The following FKBP1B variants were observed in gnomAD, a reference collection of about 807,000 sequenced individuals.
FKBP1B encodes the protein peptidyl-prolyl cis-trans isomerase FKBP1B.
In FKBP1B, 4 loss-of-function variants were observed where a neutral mutation model predicts 13.5. The observed-to-expected ratio is 0.30, with a 90% CI of 0.15 to 0.68. The LOEUF is 0.68. Among genes scored for constraint, FKBP1B ranks in the 30% least tolerant of loss-of-function variants. The probability of loss-of-function intolerance (pLI) is 0.76; values close to 1 mark genes in which losing one functional copy is unlikely to be tolerated. For missense variants in FKBP1B, 93 were observed against 136.2 expected, an observed-to-expected ratio of 0.68 and a Z score of 1.58; for synonymous variants, 54 against 53.6, an observed-to-expected ratio of 1.01 and a Z score of -0.03.
At chr2:24,037,965 G>A in the FKBP1B span, 1 of 1,614,078 alleles carries the variant, frequency 6.2e-7, no homozygotes, top group African/African-American at 1.3e-5. Flanking sequence ...CTAGAGCTAT[G>A]GAGCCATCAC....
intron 3 of FKBP1B, among the ~76,000 whole-genome samples, chr2:24,062,021 CACCACGGCCGG>C (rs200954443): frequency 0.098 from 14,937 of 152,048 alleles, 905 homozygotes; most frequent in Non-Finnish European, 0.12. Context: ...AGGCGCCCGC[CACCACGGCCGG>C]CTAATTTTTT....
At chr2:24,047,426 T>A (rs1202624255), upstream of FKBP1B, 1 of 152,184 alleles carries the variant, frequency 6.6e-6, no homozygotes, top group East Asian at 1.9e-4. Flanking sequence ...CTCAGTCCTC[T>A]GATAGGTGGG....
the FKBP1B span, among the ~76,000 whole-genome samples, chr2:24,044,282 G>T: frequency 2.0e-5 from 3 of 151,616 alleles, no homozygotes; most frequent in Non-Finnish European, 2.9e-5. Context: ...TTTTGGGGGG[G>T]GCGTGGGGGC....
chr2:24,062,410 C>T (rs184427737), intron 3 of FKBP1B, among the ~76,000 whole-genome samples: 63 of 152,224 alleles, frequency 4.1e-4, no homozygotes, highest in Non-Finnish European at 1.3e-4. Flanking sequence ...AACTCCTGAC[C>T]TCAGGTGATC....
intron 2 of FKBP1B, chr2:24,054,633 T>TGA (rs2150963961): frequency 6.0e-6 from 1 of 167,348 alleles, no homozygotes; most frequent in African/African-American, 2.4e-5. Flanking sequence ...TCCTAGGACA[T>TGA]ACTCGGATGG....
chr2:24,054,433 A>G (rs1664029256), intron 2 of FKBP1B: 1 of 207,062 alleles, frequency 4.8e-6, no homozygotes, highest in Non-Finnish European at 1.1e-5. Flanking sequence ...GAGGGAGCCC[A>G]GAGCGGGACT....
chr2:24,042,288 A>G, the FKBP1B span, among the ~76,000 whole-genome samples: 1 of 152,262 alleles, frequency 6.6e-6, no homozygotes, highest in South Asian at 2.1e-4. Context: ...CTGTAATCCC[A>G]GCACTTTGGG....
In FKBP1B at chr2:24,050,371, G is replaced by A. The variant is rs1663811412; in HGVS notation, c.37+485G>A. On this transcript the variant is annotated intron_variant, in intron 1 of 3. Transcript: ENST00000380986. This position sits in a 1 kb window ranked among gnomAD's most constrained non-coding sequence, Gnocchi z 5.8. ...GCGGGCCGGGCTGTGAGCGGCTGTG[G>A]GGACAGACCCAGGCTGGGGAAGGGG... Among the ~76,000 whole-genome samples, 2 of 152,186 alleles carry A rather than the reference G, an allele frequency of 1.3e-5. No individual in the cohort carries two copies. The highest frequency in any genetic ancestry group is 4.1e-4 in the South Asian group (2 of 4,834).
intron 3 of FKBP1B, 57 bp downstream of exon 3, chr2:24,060,983 A>T (rs13016301): frequency 0.13 from 175,281 of 1,307,856 alleles, 13,000 homozygotes; most frequent in South Asian, 0.17. Context: ...TGGGATCAGC[A>T]CTCTGCCCTC....
chr2:24,061,132 G>T (rs1664373998), intron 3 of FKBP1B, among the ~76,000 whole-genome samples: 1 of 152,082 alleles, frequency 6.6e-6, no homozygotes, highest in Non-Finnish European at 1.5e-5. Flanking sequence ...TGTCCCTGGG[G>T]GCTCTCATCC....
chr2:24,060,894 G>A lies in FKBP1B; in HGVS notation c.166G>A (p.Val56Ile). 6.2e-7 allele frequency: 1 copy of A among 1,614,146 alleles called. No homozygotes were observed. The highest frequency in any genetic ancestry group is 8.5e-7 in the Non-Finnish European group (1 of 1,179,996). Reference sequence around the variant, plus strand: ...CAAGTTCAGAATTGGCAAACAGGAAGTCATCAAAGGTTTTGAAGAGGGTGC... The same window carrying A: ...CAAGTTCAGAATTGGCAAACAGGAAATCATCAAAGGTTTTGAAGAGGGTGC... ...PFKFRIGKQEVIKGFEEGAAQ... is the reference protein window; with the variant it reads ...PFKFRIGKQEIIKGFEEGAAQ... The change falls in exon 3 of 4, where the codon GTC (valine) becomes ATC (isoleucine). Residue 56 changes from valine to isoleucine, a missense_variant. Coordinates refer to ENST00000380986, the MANE Select transcript of FKBP1B (RefSeq NM_004116.5).
Position 24,061,755 on chromosome 2 carries a change from A to G in FKBP1B, c.198+829A>G, listed in dbSNP as rs529531594. Among the ~76,000 whole-genome samples the G allele has an allele frequency of 6.6e-5, 10 of 152,248 alleles. No homozygotes were observed. In the East Asian group the frequency reaches 9.7e-4, roughly 15 times the overall value. On this transcript the variant is annotated intron_variant, in intron 3 of 3. Coordinates refer to ENST00000380986, the MANE Select transcript of FKBP1B (RefSeq NM_004116.5). ...TCAAAAGTAGATTTAAATTTCACCA[A>G]TTGTCCCACTAATGCTGAGTGGGTT...
In FKBP1B at chr2:24,059,369, A is replaced by C. The variant is rs555976251; in HGVS notation, c.86-1445A>C. ...GGGGAACCAGAACTGCTGGACCAGC[A>C]CCTGGGGGGGGGTTCTGGTTTCAAA... On this transcript the variant is annotated intron_variant, in intron 2 of 3. Coordinates refer to ENST00000380986, the MANE Select transcript of FKBP1B (RefSeq NM_004116.5). Among the ~76,000 whole-genome samples the C allele has an allele frequency of 1.7e-3, 177 of 103,976 alleles. 2 individuals carry two copies. The highest frequency in any genetic ancestry group is 8.0e-3 in the African/African-American group (172 of 21,426). The allele number at this position is 103,976 out of a possible 152,430, so 68.2% of individuals were successfully genotyped here.
intron 2 of FKBP1B, among the ~76,000 whole-genome samples, chr2:24,058,004 C>T (rs1319107214): frequency 6.6e-6 from 1 of 151,986 alleles, no homozygotes; most frequent in Non-Finnish European, 1.5e-5. Context: ...CGAGACCAGC[C>T]TTGCCAACAT....
intron 1 of FKBP1B, 110 bp downstream of exon 1, chr2:24,049,996 T>G (rs1301771735): frequency 2.4e-6 from 2 of 824,634 alleles, no homozygotes; most frequent in East Asian, 3.4e-5. Flanking sequence ...GTCGGGGGGC[T>G]GGATGGGGAA....
the FKBP1B span, chr2:24,038,634 G>A: frequency 6.2e-7 from 1 of 1,614,176 alleles, no homozygotes; most frequent in Non-Finnish European, 8.5e-7. Flanking sequence ...TGAAATGTAT[G>A]TGAGTTAGAT....
chr2:24,049,673 C>A (rs1663751160), upstream of FKBP1B: 2 of 422,492 alleles, frequency 4.7e-6, no homozygotes, highest in Non-Finnish European at 7.9e-6. Flanking sequence ...CGGCTCCGCC[C>A]CGCCGCCCCC....
the FKBP1B span, among the ~76,000 whole-genome samples, chr2:24,043,802 C>T: frequency 6.6e-6 from 1 of 152,084 alleles, no homozygotes; most frequent in Non-Finnish European, 1.5e-5. Context: ...GAAATGTATT[C>T]TCTACCAACC....
chr2:24,039,537 A>T, the FKBP1B span: 1 of 1,585,194 alleles, frequency 6.3e-7, no homozygotes, highest in Non-Finnish European at 8.6e-7. Flanking sequence ...AAGGAAAGTT[A>T]CACCATGAGA....
Sources: gnomAD v4.1 joint callset for allele counts (sites outside exome capture counted in the v4.1 genomes callset) on GRCh38, gnomAD v4.1.1 for gene constraint, Gnocchi (gnomAD v3.1) non-coding constraint, MANE v1.5 for transcripts, NCBI Gene and HGNC (gene_info 2026-07-23, HGNC 2026-07-21) for gene names.